Variants in PDZD2 observed in about 807,000 individuals in gnomAD.
The protein encoded by PDZD2 is PDZ domain containing 2.
A neutral mutation model predicts 220.7 loss-of-function variants in PDZD2; 90 were observed. The observed-to-expected ratio is 0.41, with a 90% confidence interval of 0.34 to 0.49. The LOEUF (loss-of-function observed/expected upper bound fraction) is 0.49. Ranked by LOEUF, PDZD2 falls within the 20% of genes least tolerant of loss-of-function variation. The probability of loss-of-function intolerance (pLI) is 0.28; values close to 1 mark genes in which losing one functional copy is unlikely to be tolerated. For synonymous variants in PDZD2, 1,375 were observed against 1,450.5 expected, an observed-to-expected ratio of 0.95 and a Z score of 1.18; for missense variants, 3,174 against 3,608.5, an observed-to-expected ratio of 0.88 and a Z score of 3.08.
intron 1 of PDZD2, among the ~76,000 whole-genome samples, chr5:31,698,609 AAAAAG>A (rs2150132464): frequency 6.6e-6 from 1 of 152,022 alleles, no homozygotes; most frequent in African/African-American, 2.4e-5. Context: ...AAAAAAAAAA[AAAAAG>A]AAAAAGAGAA....
chr5:31,918,109 C>T (rs1743846991), intron 2 of PDZD2, among the ~76,000 whole-genome samples: 1 of 152,096 alleles, frequency 6.6e-6, no homozygotes, highest in African/African-American at 2.4e-5. Flanking sequence ...GGGAGAGGTG[C>T]CTCACACTTT....
intron 14 of PDZD2, among the ~76,000 whole-genome samples, chr5:32,067,801 A>G (rs913944744): frequency 6.6e-6 from 1 of 152,226 alleles, no homozygotes; most frequent in African/African-American, 2.4e-5. Flanking sequence ...TAACAACAGA[A>G]AAACATCCAT....
Position 32,109,659 on chromosome 5 carries a change from T to C in PDZD2, c.*1524T>C, listed in dbSNP as rs973689791. The C allele has an allele frequency of 2.0e-5, 3 of 152,168 alleles. No individual in the cohort carries two copies. The highest frequency in any genetic ancestry group is 4.8e-5 in the African/African-American group (2 of 41,426). The allele number at this position is 152,168 out of a possible 1,614,324, so 9.4% of individuals were successfully genotyped here. A position where few individuals can be genotyped will look rare whatever the true frequency, so the allele number is the denominator to read the frequency against. On this transcript the variant is annotated 3_prime_UTR_variant, in exon 25 of 25. Coordinates refer to ENST00000438447, the MANE Select transcript of PDZD2 (RefSeq NM_178140.4). ...ACCAACCCGTTGAGCCCTGACAACA[T>C]GAGTGGAGAGTGCATTTGCCATACC...
At chr5:32,100,773 G>A (rs552644090) in intron 23 of PDZD2, 29 of 685,392 alleles carry the variant, frequency 4.2e-5, no homozygotes, top group Middle Eastern at 5.0e-4. Flanking sequence ...TCACTGAGAA[G>A]TGCACAGCCG....
chr5:32,032,197 T>A (rs969232408), intron 6 of PDZD2, among the ~76,000 whole-genome samples: 1 of 152,206 alleles, frequency 6.6e-6, no homozygotes, highest in African/African-American at 2.4e-5. Flanking sequence ...CCGTGTCCAG[T>A]TCCACTGGAG....
At chr5:31,962,305 A>T (rs1401889770) in intron 2 of PDZD2, among the ~76,000 whole-genome samples, 1 of 152,150 alleles carries the variant, frequency 6.6e-6, no homozygotes, top group Non-Finnish European at 1.5e-5. Context: ...CTTTTGCTCA[A>T]ACCCAAAGTA....
intron 1 of PDZD2, among the ~76,000 whole-genome samples, chr5:31,683,101 TC>T (rs1013824937): frequency 3.3e-5 from 5 of 151,164 alleles, no homozygotes; most frequent in Non-Finnish European, 7.4e-5. Flanking sequence ...TTAAACACCC[TC>T]CTTGGCAGCT....
At chr5:31,765,805 A>C (rs1399648514) in intron 1 of PDZD2, among the ~76,000 whole-genome samples, 1 of 152,204 alleles carries the variant, frequency 6.6e-6, no homozygotes, top group Admixed American at 6.5e-5. Context: ...TGGGTAAGAA[A>C]GAAGACCAAG....
At chr5:32,067,060 G>A (rs6450892) in intron 14 of PDZD2, among the ~76,000 whole-genome samples, 6,658 of 152,142 alleles carry the variant, frequency 0.044, 474 homozygotes, top group African/African-American at 0.15. Flanking sequence ...ATGTATTTTT[G>A]TACCACTTAG....
chr5:32,054,310 ATCTTTTT>A, intron 10 of PDZD2, among the ~76,000 whole-genome samples: 1 of 58,592 alleles, frequency 1.7e-5, no homozygotes. Context: ...CTAAATGAAC[ATCTTTTT>A]TTTTTTTTTT....
At chr5:31,816,219 C>G (rs542193832) in intron 2 of PDZD2, among the ~76,000 whole-genome samples, 1 of 147,900 alleles carries the variant, frequency 6.8e-6, no homozygotes, top group Admixed American at 6.9e-5. Flanking sequence ...ACCCGGGAGG[C>G]GGAGCTTGCA....
intron 2 of PDZD2, among the ~76,000 whole-genome samples, chr5:31,937,282 G>A (rs879434754): frequency 3.9e-5 from 6 of 152,170 alleles, no homozygotes; most frequent in Non-Finnish European, 8.8e-5. Context: ...TTGGGGGATT[G>A]GGCTAACATG....
At chr5:31,903,666 AAG>A (rs1742349132) in intron 2 of PDZD2, among the ~76,000 whole-genome samples, 1 of 150,434 alleles carries the variant, frequency 6.6e-6, no homozygotes, top group African/African-American at 2.4e-5. Context: ...AAAAAAAAGA[AAG>A]AAAAAAGAAA....
chr5:31,842,140 T>C (rs556845028), intron 2 of PDZD2, among the ~76,000 whole-genome samples: 2 of 152,348 alleles, frequency 1.3e-5, no homozygotes, highest in East Asian at 3.9e-4. Context: ...TTGATAAGCC[T>C]TTTTGTAGCT....
chr5:32,008,001 G>A (rs1264968142), intron 5 of PDZD2, among the ~76,000 whole-genome samples: 1 of 152,114 alleles, frequency 6.6e-6, no homozygotes, highest in African/African-American at 2.4e-5. Context: ...TATCCAAATG[G>A]AGTCTGGGCC....
chr5:32,063,402 T>G (rs1317927751), intron 14 of PDZD2, among the ~76,000 whole-genome samples: 1 of 152,182 alleles, frequency 6.6e-6, no homozygotes, highest in Non-Finnish European at 1.5e-5. Flanking sequence ...GAGAAGATCC[T>G]TCAGGTCTAA....
intron 2 of PDZD2, among the ~76,000 whole-genome samples, chr5:31,905,745 C>G (rs1431161439): frequency 6.6e-6 from 1 of 152,220 alleles, no homozygotes; most frequent in Non-Finnish European, 1.5e-5. Flanking sequence ...TGATTTATAA[C>G]TTTTCATTTT....
At chr5:31,705,205 C>G (rs1368240452) in intron 1 of PDZD2, among the ~76,000 whole-genome samples, 28 of 18,598 alleles carry the variant, frequency 1.5e-3, no homozygotes, top group African/African-American at 6.5e-3. Context: ...CACACACACA[C>G]ACACATACAC....
chr5:31,996,814 G>T (rs889567197), intron 4 of PDZD2, among the ~76,000 whole-genome samples: 4 of 152,186 alleles, frequency 2.6e-5, no homozygotes, highest in Non-Finnish European at 4.4e-5. Context: ...CCGGGAGATC[G>T]AAGCTGCAGT....
Sources: gnomAD v4.1 joint callset for allele counts (sites outside exome capture counted in the v4.1 genomes callset) on GRCh38, gnomAD v4.1.1 for gene constraint, MANE v1.5 for transcripts, NCBI Gene and HGNC (gene_info 2026-07-23, HGNC 2026-07-21) for gene names.